C3orf18: variants seen among roughly 807,000 people sequenced by gnomAD.
The protein encoded by C3orf18 is uncharacterized protein C3orf18.
In C3orf18, 12 loss-of-function variants were observed where a neutral mutation model predicts 14.1. That is an observed-to-expected ratio of 0.85 (90% confidence interval 0.55 to 1.38). The LOEUF is 1.38. Among genes scored for constraint, C3orf18 ranks in the 40% most tolerant of loss-of-function variants. C3orf18 has a pLI of 0.00. For synonymous variants in C3orf18, 82 were observed against 87.9 expected (o/e 0.93, Z 0.38); for missense variants, 196 against 213.9 (o/e 0.92, Z 0.52).
chr3:50,565,742 A>T lies in C3orf18; in HGVS notation c.-43T>A. ...CCTGGCTGAGAGGCTGCCTGATGCC[A>T]GTCAACCTGCCCACTCACTCCTGAC... On this transcript the variant is annotated 5_prime_UTR_variant, in exon 3 of 6. Transcript: ENST00000357203. This position sits in a 1 kb window ranked among gnomAD's most constrained non-coding sequence, Gnocchi z 4.4. The T allele has an allele frequency of 6.7e-7, 1 of 1,483,904 alleles. No homozygotes were observed. Among genetic ancestry groups the T allele is most frequent in the South Asian group, 1.2e-5 (1 of 85,246 alleles). The allele number at this position is 1,483,904 out of a possible 1,614,324, so 91.9% of individuals were successfully genotyped here.
In C3orf18 at chr3:50,562,454, A is replaced by T. The variant is rs1444155932; in HGVS notation, c.235-707T>A. 4 of 454,330 alleles carry T rather than the reference A, an allele frequency of 8.8e-6. No individual in the cohort carries two copies. In the East Asian group the frequency reaches 2.8e-4, roughly 32 times the overall value. The allele number at this position is 454,330 out of a possible 1,614,324, so 28.1% of individuals were successfully genotyped here. Reference sequence around the variant, plus strand: ...CAACTCTTCCCAGGCTCAAAGCCACATGCAGGCAAAAAGTAAAGGGACCCG... The same window carrying T: ...CAACTCTTCCCAGGCTCAAAGCCACTTGCAGGCAAAAAGTAAAGGGACCCG... On this transcript the variant is annotated intron_variant, in intron 3 of 5. Coordinates refer to ENST00000357203, the MANE Select transcript of C3orf18 (RefSeq NM_016210.5).
rs944033897 is a variant in C3orf18, at chr3:50,558,420, C to T, written c.*1237G>A. On this transcript the variant is annotated 3_prime_UTR_variant, in exon 6 of 6. Transcript: ENST00000357203. The stretch of plus-strand genomic sequence containing the variant: ...CTTGCCAGGACCCCTGGTATCAGCC[C>T]TGACCCTCCAAGGCTTATGGAGAGG... The T allele has an allele frequency of 3.3e-6, 1 of 304,842 alleles. No individual in the cohort carries two copies. The highest frequency in any genetic ancestry group is 6.4e-6 in the Non-Finnish European group (1 of 155,716). The allele number at this position is 304,842 out of a possible 1,614,324, so 18.9% of individuals were successfully genotyped here.
rs1700203025 is a variant in C3orf18 at position 50,565,018 on chromosome 3, T to C, written c.234+448A>G. On this transcript the variant is annotated intron_variant, in intron 3 of 5. Transcript: ENST00000357203. The surrounding 1 kb of genome is among the most constrained non-coding windows in gnomAD (Gnocchi z 4.4). The stretch of plus-strand genomic sequence containing the variant: ...TTTCCAGTTGGAAGCGTAGCCTCTC[T>C]GGTCTCTGGGCCCCAGTGGACAAAT... 6.6e-6 allele frequency among the ~76,000 whole-genome samples: 1 copy of C among 152,190 alleles called. No homozygotes were observed. Among genetic ancestry groups the C allele is most frequent in the South Asian group, 2.1e-4 (1 of 4,824 alleles).
chr3:50,570,852 C>T (rs968022223), upstream of C3orf18: 1 of 403,412 alleles, frequency 2.5e-6, no homozygotes, highest in Non-Finnish European at 4.4e-6. Flanking sequence ...AAGAGCACAA[C>T]TATTCTCAGG....
chr3:50,562,044 T>C (rs1700008160), intron 3 of C3orf18: 7 of 573,928 alleles, frequency 1.2e-5, no homozygotes, highest in Non-Finnish European at 6.2e-6. Flanking sequence ...GGATTACAGG[T>C]GTGCACCACC....
At chr3:50,571,066 G>T, upstream of C3orf18, 1 of 1,482,818 alleles carries the variant, frequency 6.7e-7, no homozygotes, top group South Asian at 1.3e-5. Flanking sequence ...AAGCAGACTT[G>T]GGAACCTGGA....
At chr3:50,562,130 C>G (rs889234111) in intron 3 of C3orf18, among the ~76,000 whole-genome samples, 1 of 152,212 alleles carries the variant, frequency 6.6e-6, no homozygotes, top group Non-Finnish European at 1.5e-5. Flanking sequence ...GAACTCCTGA[C>G]CTTGTGATCC....
At chr3:50,568,037 G>A (rs1046157986), upstream of C3orf18, among the ~76,000 whole-genome samples, 1 of 152,260 alleles carries the variant, frequency 6.6e-6, no homozygotes, top group Admixed American at 6.5e-5. Flanking sequence ...GTACAGAGGA[G>A]ACTTGGGGAG....
At position 50,565,576 on chromosome 3, in the gene C3orf18, T is replaced by C; in HGVS notation, c.124A>G (p.Thr42Ala). Reference sequence around the variant, plus strand: ...GGGATTCTGGTGTCATTAAAGGTGGTGGCCTCTGGGCTGAGGGTAGTGGTC... The same window carrying C: ...GGGATTCTGGTGTCATTAAAGGTGGCGGCCTCTGGGCTGAGGGTAGTGGTC... The part of the protein sequence containing the change: ...SETTTLSPEA[T>A]TFNDTRIPDA... Residue 42 changes from threonine to alanine, a missense_variant, in exon 3 of 6, where the codon ACC becomes GCC. Physicochemically the swap from Thr to Ala is moderately conservative, Grantham distance 58. Transcript: ENST00000357203. This position sits in a 1 kb window ranked among gnomAD's most constrained non-coding sequence, Gnocchi z 4.4. 2 of 1,613,946 alleles carry C rather than the reference T, an allele frequency of 1.2e-6. 1 individual carries two copies. The highest frequency in any genetic ancestry group is 2.2e-5 in the South Asian group (2 of 91,048).
upstream of C3orf18, chr3:50,571,066 G>A: frequency 6.7e-7 from 1 of 1,482,820 alleles, no homozygotes; most frequent in Non-Finnish European, 9.2e-7. Flanking sequence ...AAGCAGACTT[G>A]GGAACCTGGA....
At chr3:50,564,014 T>C (rs968208963) in intron 3 of C3orf18, among the ~76,000 whole-genome samples, 3 of 152,238 alleles carry the variant, frequency 2.0e-5, no homozygotes, top group Admixed American at 1.3e-4. Context: ...ATTCTGCCTG[T>C]GCTGCACCCT....
intron 1 of C3orf18, among the ~76,000 whole-genome samples, chr3:50,567,233 G>A (rs1228545231): frequency 1.3e-5 from 2 of 152,096 alleles, no homozygotes; most frequent in Non-Finnish European, 2.9e-5. Flanking sequence ...TGTTAACATC[G>A]CCTCCCAAAG....
rs544647750 is a variant in C3orf18, at chr3:50,559,414, A to G, written c.*243T>C. The G allele has an allele frequency of 6.5e-6, 9 of 1,384,616 alleles. No homozygotes were observed. The Admixed American group carries it at 1.8e-4, about 28-fold the overall frequency. The allele number at this position is 1,384,616 out of a possible 1,614,324, so 85.8% of individuals were successfully genotyped here. On this transcript the variant is annotated 3_prime_UTR_variant, in exon 6 of 6. Transcript: ENST00000357203. ...GCTCTTGACCTTCTCAGCATGAGGG[A>G]TGCCCTCTGTGCCAGGGCCCTCAGG...
At position 50,563,520 on chromosome 3, in the gene C3orf18, G is replaced by A. The variant is rs537342731; in HGVS notation, c.235-1773C>T. On this transcript the variant is annotated intron_variant, in intron 3 of 5. Coordinates refer to ENST00000357203, the MANE Select transcript of C3orf18 (RefSeq NM_016210.5). ...CCCTACCCCTCACTGTCCAGCAGGT[G>A]CAGCCCCCTCTCCTCCAGGAACCTC... Among the ~76,000 whole-genome samples, 5 of 152,108 alleles carry A rather than the reference G, an allele frequency of 3.3e-5. No homozygotes were observed. The South Asian group carries it at 1.0e-3, about 32-fold the overall frequency.
At chr3:50,567,144 T>A (rs1229475603) in intron 1 of C3orf18, among the ~76,000 whole-genome samples, 1 of 152,118 alleles carries the variant, frequency 6.6e-6, no homozygotes, top group Admixed American at 6.5e-5. Flanking sequence ...ACATAGGAAG[T>A]CCCGGGTTCT....
At chr3:50,568,438 C>T (rs1388528289), upstream of C3orf18, among the ~76,000 whole-genome samples, 1 of 152,076 alleles carries the variant, frequency 6.6e-6, no homozygotes, top group African/African-American at 2.4e-5. Flanking sequence ...TGTTTAATAG[C>T]AGTTTAAGGC....
At chr3:50,561,228 T>C (rs1433759786) in intron 4 of C3orf18, among the ~76,000 whole-genome samples, 164 bp from the exon 5 acceptor site, 2 of 152,248 alleles carry the variant, frequency 1.3e-5, no homozygotes, top group East Asian at 3.9e-4. Flanking sequence ...TTTGCACCTA[T>C]AGTACCAGCT....
At chr3:50,561,822 A>T in intron 3 of C3orf18, 75 bp from the exon 4 acceptor site, 1 of 1,500,192 alleles carries the variant, frequency 6.7e-7, no homozygotes, top group South Asian at 1.1e-5. Context: ...CTGGATGGGG[A>T]CATGCTGAGG....
chr3:50,559,713 G>C lies in C3orf18; in HGVS notation c.433C>G (p.Leu145Val). 6.3e-7 allele frequency: 1 copy of C among 1,595,232 alleles called. No individual in the cohort carries two copies. The highest frequency in any genetic ancestry group is 8.5e-7 in the Non-Finnish European group (1 of 1,170,652). Residue 145 changes from leucine (L) to valine (V), a missense_variant, in exon 6 of 6, where the codon CTG becomes GTG. Leu to Val is a conservative substitution (Grantham distance 32). Coordinates refer to ENST00000357203, the MANE Select transcript of C3orf18 (RefSeq NM_016210.5). ...GKTTLPSQGPLQRPSRLVFTD... is the reference protein window; with the variant it reads ...GKTTLPSQGPVQRPSRLVFTD... ...AACACCAGCCGGCTGGGTCTCTGCA[G>C]TGGGCCCTGGGAGGGCAGAGTAGTC... is the stretch of plus-strand genomic sequence containing the variant.
Sources: allele counts gnomAD v4.1 joint callset (sites outside exome capture counted in the v4.1 genomes callset), GRCh38; gene constraint gnomAD v4.1.1; non-coding constraint Gnocchi (gnomAD v3.1); transcripts MANE v1.5; gene names NCBI Gene and HGNC (gene_info 2026-07-23, HGNC 2026-07-21).